ARHGAP6: variants seen among roughly 807,000 people sequenced by gnomAD.
The protein encoded by ARHGAP6 is Rho GTPase activating protein 6.
ARHGAP6 carries 16 observed loss-of-function variants against 55.7 expected under a neutral mutation model. That is an observed-to-expected ratio of 0.29 (90% CI 0.19 to 0.44). The LOEUF is 0.44. Among genes scored for constraint, ARHGAP6 ranks in the 20% least tolerant of loss-of-function variants. The pLI is 1.00. For synonymous variants in ARHGAP6, 382 were observed against 360.9 expected (o/e 1.06, Z -0.66); for missense variants, 698 against 808.9 (o/e 0.86, Z 1.66).
intron 1 of ARHGAP6, among the ~76,000 whole-genome samples, chrX:11,514,598 C>G (rs1238677349): frequency 9.1e-6 from 1 of 110,358 alleles, no homozygotes; most frequent in Non-Finnish European, 1.9e-5. Flanking sequence ...CCATTTGAGA[C>G]CCAATGGCCT....
At chrX:11,584,907 G>C (rs1051651348) in intron 1 of ARHGAP6, among the ~76,000 whole-genome samples, 9 of 111,595 alleles carry the variant, frequency 8.1e-5, no homozygotes, top group African/African-American at 2.6e-4. Flanking sequence ...TGTCATGGAG[G>C]CTTGTTGTAC....
intron 1 of ARHGAP6, among the ~76,000 whole-genome samples, chrX:11,301,473 A>C (rs1427988309): frequency 8.9e-6 from 1 of 112,129 alleles, no homozygotes; most frequent in Admixed American, 9.5e-5. Flanking sequence ...ACAGAATTGT[A>C]AACAGTCTTT....
intron 1 of ARHGAP6, among the ~76,000 whole-genome samples, chrX:11,387,561 T>A (rs923230980): frequency 4.5e-5 from 5 of 112,005 alleles, no homozygotes; most frequent in African/African-American, 1.6e-4. Flanking sequence ...GGAAGAAATT[T>A]TTTTATTATC....
At chrX:11,167,399 T>C (rs1402619876) in intron 9 of ARHGAP6, among the ~76,000 whole-genome samples, 1 of 111,339 alleles carries the variant, frequency 9.0e-6, no homozygotes, top group African/African-American at 3.3e-5. Context: ...GAAAGGCCTC[T>C]ATGAGAAGTA....
chrX:11,655,966 T>C lies in ARHGAP6; in HGVS notation c.588+8275A>G, dbSNP rs183258573. On this transcript the variant is annotated intron_variant, in intron 1 of 12. Coordinates refer to ENST00000337414, the MANE Select transcript of ARHGAP6 (RefSeq NM_013427.3). ...CATGAGCTTCTGTTTCTGCAAATCC[T>C]GAATGTGTCATGACATGTACCAGAG... Among the ~76,000 whole-genome samples, 20 of 112,773 alleles carry C rather than the reference T, an allele frequency of 1.8e-4. No homozygotes were observed. In the East Asian group the frequency reaches 4.2e-3, roughly 24 times the overall value.
intron 1 of ARHGAP6, among the ~76,000 whole-genome samples, chrX:11,443,821 G>A (rs1468982758): frequency 9.0e-6 from 1 of 111,674 alleles, no homozygotes; most frequent in African/African-American, 3.3e-5. Flanking sequence ...TCAGCTACTC[G>A]GGAGGCTGAG....
chrX:11,201,989 C>CTGTGTGTG (rs56023548), intron 2 of ARHGAP6, among the ~76,000 whole-genome samples: 7,088 of 65,362 alleles, frequency 0.11, 795 homozygotes, highest in East Asian at 0.2. Context: ...GCATCTGGAT[C>CTGTGTGTG]TGTGTGTGTG....
chrX:11,559,305 T>C (rs955052357), intron 1 of ARHGAP6, among the ~76,000 whole-genome samples: 9 of 111,192 alleles, frequency 8.1e-5, no homozygotes, highest in African/African-American at 2.9e-4. Flanking sequence ...TCTCAGCATC[T>C]TTGTACATGC....
chrX:11,512,387 A>G (rs1276513867), intron 1 of ARHGAP6, among the ~76,000 whole-genome samples: 1 of 111,368 alleles, frequency 9.0e-6, no homozygotes, highest in Non-Finnish European at 1.9e-5. Flanking sequence ...CTCTTTCCAC[A>G]CTATGTAGCA....
chrX:11,644,165 T>C (rs1421973060), intron 1 of ARHGAP6, among the ~76,000 whole-genome samples: 1 of 111,176 alleles, frequency 9.0e-6, no homozygotes, highest in Non-Finnish European at 1.9e-5. Context: ...ATTGGGCAGC[T>C]AGCTAAGGGG....
intron 1 of ARHGAP6, among the ~76,000 whole-genome samples, chrX:11,383,084 T>G (rs776580687): frequency 3.6e-5 from 4 of 112,134 alleles, no homozygotes; most frequent in Non-Finnish European, 5.6e-5. Flanking sequence ...CCTACATAAA[T>G]GACATCAATC....
intron 1 of ARHGAP6, among the ~76,000 whole-genome samples, chrX:11,608,091 T>C (rs2052056622): frequency 9.0e-6 from 1 of 111,636 alleles, no homozygotes; most frequent in African/African-American, 3.3e-5. Flanking sequence ...CTTACTACCA[T>C]TGCATAAATA....
chrX:11,425,710 TCAGA>T (rs1271545574), intron 1 of ARHGAP6, among the ~76,000 whole-genome samples: 3 of 112,806 alleles, frequency 2.7e-5, no homozygotes, highest in Non-Finnish European at 5.6e-5. Context: ...TTTAGAAGAA[TCAGA>T]CAGCCTAATT....
chrX:11,404,974 T>C (rs1440320258), intron 1 of ARHGAP6, among the ~76,000 whole-genome samples: 1 of 112,302 alleles, frequency 8.9e-6, no homozygotes, highest in Non-Finnish European at 1.9e-5. Flanking sequence ...ATTGAATCTG[T>C]CATGATATTA....
intron 1 of ARHGAP6, among the ~76,000 whole-genome samples, chrX:11,565,010 A>G (rs1481280768): frequency 8.9e-6 from 1 of 112,089 alleles, no homozygotes; most frequent in East Asian, 2.8e-4. Flanking sequence ...TAGAGAAGAC[A>G]CTCAGCCAGC....
At chrX:11,619,552 G>A (rs2052204131) in intron 1 of ARHGAP6, among the ~76,000 whole-genome samples, 1 of 112,297 alleles carries the variant, frequency 8.9e-6, no homozygotes, top group South Asian at 3.7e-4. Flanking sequence ...GGTTAATTCA[G>A]GGTTTAGGTA....
intron 1 of ARHGAP6, among the ~76,000 whole-genome samples, chrX:11,535,920 G>T (rs1471356649): frequency 1.8e-5 from 2 of 112,305 alleles, no homozygotes; most frequent in Non-Finnish European, 3.8e-5. Flanking sequence ...TCATATTTTT[G>T]TTAATGTTTA....
chrX:11,302,616 G>A (rs764012565), intron 1 of ARHGAP6, among the ~76,000 whole-genome samples: 32 of 110,918 alleles, frequency 2.9e-4, no homozygotes, highest in Middle Eastern at 4.7e-3. Flanking sequence ...ACACATTCAC[G>A]TTACACACAC....
chrX:11,260,368 G>A (rs761864306), intron 1 of ARHGAP6, among the ~76,000 whole-genome samples: 6 of 111,128 alleles, frequency 5.4e-5, no homozygotes, highest in South Asian at 3.8e-4. Flanking sequence ...GGGCATGCTC[G>A]CAGACACTTA....
Sources: gnomAD v4.1 joint callset for allele counts (sites outside exome capture counted in the v4.1 genomes callset) on GRCh38, gnomAD v4.1.1 for gene constraint, MANE v1.5 for transcripts, NCBI Gene and HGNC (gene_info 2026-07-23, HGNC 2026-07-21) for gene names.